Variants in POFUT1 observed in about 807,000 individuals in gnomAD.
The protein encoded by POFUT1 is protein O-fucosyltransferase 1.
Under a neutral mutation model 42.4 loss-of-function variants are expected in POFUT1, and 16 were observed. That is an observed-to-expected ratio of 0.38 (90% CI 0.26 to 0.57). The LOEUF is 0.57. Ranked by LOEUF, POFUT1 falls within the 20% of genes least tolerant of loss-of-function variation. The probability of loss-of-function intolerance (pLI) is 0.71; values close to 1 mark genes in which losing one functional copy is unlikely to be tolerated. For missense variants in POFUT1, 470 were observed against 504.6 expected (o/e 0.93, Z 0.66); for synonymous variants, 206 against 205.4 (o/e 1.00, Z -0.03).
At chr20:32,212,081 A>T (rs982180960) in intron 2 of POFUT1, among the ~76,000 whole-genome samples, 1 of 152,164 alleles carries the variant, frequency 6.6e-6, no homozygotes, top group Non-Finnish European at 1.5e-5. Flanking sequence ...TAAATGTGCA[A>T]ATCTATGTAA....
At chr20:32,209,287 A>G (rs1271843506) in intron 1 of POFUT1, among the ~76,000 whole-genome samples, 5 of 152,116 alleles carry the variant, frequency 3.3e-5, no homozygotes, top group Non-Finnish European at 5.9e-5. Context: ...GATTTCACTG[A>G]CCTCTACCCA....
chr20:32,212,916 C>T (rs552712773), intron 2 of POFUT1, among the ~76,000 whole-genome samples: 3 of 151,146 alleles, frequency 2.0e-5, no homozygotes, highest in Non-Finnish European at 4.4e-5. Context: ...CGGAGTTTTG[C>T]TCTTGTCACC....
chr20:32,232,740 T>C (rs1175248754), intron 6 of POFUT1, among the ~76,000 whole-genome samples: 2 of 151,602 alleles, frequency 1.3e-5, no homozygotes, highest in Non-Finnish European at 2.9e-5. Flanking sequence ...TTTTTGTGAG[T>C]TTTTGGAGTC....
chr20:32,224,737 A>G (rs946679198), intron 4 of POFUT1, among the ~76,000 whole-genome samples: 2 of 152,222 alleles, frequency 1.3e-5, no homozygotes, highest in Admixed American at 1.3e-4. Flanking sequence ...GTGGAGAATG[A>G]GTGGCATGTC....
chr20:32,226,854 C>T (rs982758785), intron 4 of POFUT1, among the ~76,000 whole-genome samples: 7 of 152,098 alleles, frequency 4.6e-5, no homozygotes, highest in East Asian at 3.8e-4. Flanking sequence ...TTGTGAGTGA[C>T]GTCTGGGTTG....
intron 4 of POFUT1, among the ~76,000 whole-genome samples, chr20:32,219,436 A>G (rs1232886882): frequency 6.6e-6 from 1 of 152,052 alleles, no homozygotes; most frequent in African/African-American, 2.4e-5. Flanking sequence ...AGTGAGTGAG[A>G]GAATGGTAGG....
At chr20:32,218,216 A>C (rs2047372520) in intron 4 of POFUT1, among the ~76,000 whole-genome samples, 1 of 152,074 alleles carries the variant, frequency 6.6e-6, no homozygotes, top group South Asian at 2.1e-4. Context: ...AACTCACTAT[A>C]ACCTCAAATC....
At chr20:32,223,781 AAGATTAAGCC>A (rs2047401691) in intron 4 of POFUT1, 1 of 787,376 alleles carries the variant, frequency 1.3e-6, no homozygotes, top group Non-Finnish European at 1.5e-6. Context: ...TGGGAATCAG[AAGATTAAGCC>A]ACAGACTCAG....
chr20:32,211,669 C>G (rs2047329901), intron 2 of POFUT1, among the ~76,000 whole-genome samples: 1 of 152,208 alleles, frequency 6.6e-6, no homozygotes, highest in African/African-American at 2.4e-5. Flanking sequence ...TTCCAAGTCC[C>G]CACTTCCTTG....
At chr20:32,210,841 ATGAAT>A (rs1382757991) in intron 2 of POFUT1, among the ~76,000 whole-genome samples, 1 of 152,248 alleles carries the variant, frequency 6.6e-6, no homozygotes, top group Non-Finnish European at 1.5e-5. Context: ...TTAGTATTTG[ATGAAT>A]TGACTTAATA....
intron 4 of POFUT1, among the ~76,000 whole-genome samples, chr20:32,222,116 G>A (rs1238883971): frequency 2.0e-5 from 3 of 151,898 alleles, no homozygotes; most frequent in Non-Finnish European, 4.4e-5. Context: ...TGGCCAACAT[G>A]GTGAAACCCT....
rs200413750 is a variant in POFUT1 at position 32,228,285 on chromosome 20, G to A, written c.565G>A (p.Val189Met). ...SQRFSPKEHPVLALPGAPAQF... is the reference protein window; with the variant it reads ...SQRFSPKEHPMLALPGAPAQF... Reference sequence around the variant, plus strand: ...TAGATTTTCTCCAAAGGAACATCCGGTGCTTGCCCTGCCAGGAGCCCCAGC... The same window carrying A: ...TAGATTTTCTCCAAAGGAACATCCGATGCTTGCCCTGCCAGGAGCCCCAGC... The change falls in exon 5 of 7, where the codon GTG becomes ATG. Residue 189 changes from valine (V) to methionine (M), a missense_variant. Transcript: ENST00000375749. The A allele has an allele frequency of 3.1e-6, 5 of 1,613,664 alleles. No homozygotes were observed. In the East Asian group the frequency reaches 6.7e-5, roughly 22 times the overall value.
intron 4 of POFUT1, among the ~76,000 whole-genome samples, chr20:32,226,763 C>T (rs2047416751): frequency 6.6e-6 from 1 of 152,146 alleles, no homozygotes; most frequent in African/African-American, 2.4e-5. Flanking sequence ...AAATTGTTGC[C>T]TGTATTGATA....
At chr20:32,214,739 C>T (rs2122569749) in intron 2 of POFUT1, among the ~76,000 whole-genome samples, 1 of 152,276 alleles carries the variant, frequency 6.6e-6, no homozygotes, top group South Asian at 2.1e-4. Context: ...TTTTTTGTTA[C>T]AGATCAGCAG....
chr20:32,237,652 C>T lies in POFUT1; in HGVS notation c.*2991C>T, dbSNP rs1408736910. 2 of 355,390 alleles carry T rather than the reference C, an allele frequency of 5.6e-6. No homozygotes were observed. Among genetic ancestry groups the T allele is most frequent in the South Asian group, 2.3e-5 (1 of 43,604 alleles). The allele number at this position is 355,390 out of a possible 1,614,324, so 22.0% of individuals were successfully genotyped here. On this transcript the variant is annotated 3_prime_UTR_variant, in exon 7 of 7. Transcript: ENST00000375749. ...TTTTAGTTGGAGAGATACAGGAAGC[C>T]TCCTAGGGTTCTGAGCAGAAGAGGG...
intron 4 of POFUT1, chr20:32,222,811 C>T: frequency 1.0e-6 from 1 of 985,398 alleles, no homozygotes. Flanking sequence ...AGGCAATGCA[C>T]CATCGTGCCA....
chr20:32,219,838 C>T (rs1179095208), intron 4 of POFUT1, among the ~76,000 whole-genome samples: 1 of 152,162 alleles, frequency 6.6e-6, no homozygotes, highest in Non-Finnish European at 1.5e-5. Flanking sequence ...TGTGGGTTAA[C>T]TGGGCTTAGC....
chr20:32,227,887 C>T (rs2047422722), intron 4 of POFUT1, among the ~76,000 whole-genome samples: 1 of 152,202 alleles, frequency 6.6e-6, no homozygotes, highest in African/African-American at 2.4e-5. Context: ...TGTCCCAGTC[C>T]TGCCATGTAG....
rs753810669 is a variant in POFUT1 at position 32,234,552 on chromosome 20, A to G, written c.1058A>G (p.Asn353Ser). The change falls in exon 7 of 7, where the codon AAC becomes AGC. Residue 353 changes from asparagine to serine, a missense_variant. Transcript: ENST00000375749. ...ILGQADHFIG[N>S]CVSSFTAFVK... ...GGCCAAGCCGACCACTTTATTGGCAACTGTGTCTCCTCCTTCACTGCCTTT... is the reference window on the plus strand; with the variant it reads ...GGCCAAGCCGACCACTTTATTGGCAGCTGTGTCTCCTCCTTCACTGCCTTT... 1.2e-6 allele frequency: 2 copies of G among 1,614,218 alleles called. No individual in the cohort carries two copies. Among genetic ancestry groups the G allele is most frequent in the Non-Finnish European group, 1.7e-6 (2 of 1,180,024 alleles).
Sources: allele counts gnomAD v4.1 joint callset (sites outside exome capture counted in the v4.1 genomes callset), GRCh38; gene constraint gnomAD v4.1.1; transcripts MANE v1.5; gene names NCBI Gene and HGNC (gene_info 2026-07-23, HGNC 2026-07-21).